The following LPP variants were observed in gnomAD, a reference collection of about 807,000 sequenced individuals.
The protein encoded by LPP is LIM domain containing preferred translocation partner in lipoma.
LPP carries 38 observed loss-of-function variants against 60.4 expected under a neutral mutation model. The observed-to-expected ratio is 0.63, with a 90% confidence interval of 0.49 to 0.83. The LOEUF is 0.83. LPP is among the 40% of genes least tolerant of loss of function. The pLI is 0.00. For synonymous variants in LPP, 328 were observed against 290.8 expected (o/e 1.13, Z -1.30); for missense variants, 902 against 783.6 (o/e 1.15, Z -1.80).
At chr3:188,271,750 C>G (rs1737813088) in intron 2 of LPP, among the ~76,000 whole-genome samples, 2 of 152,124 alleles carry the variant, frequency 1.3e-5, no homozygotes, top group South Asian at 4.1e-4. Context: ...CCTTTCTCTT[C>G]TGAAAGGATG....
intron 7 of LPP, among the ~76,000 whole-genome samples, chr3:188,642,096 A>ATT (rs113502570): frequency 2.0e-5 from 3 of 151,048 alleles, no homozygotes; most frequent in Non-Finnish European, 3.0e-5. Flanking sequence ...CTGAAGTGGA[A>ATT]TTTTTTTTTT....
chr3:188,633,399 C>T (rs909416892), intron 7 of LPP, among the ~76,000 whole-genome samples: 2 of 152,192 alleles, frequency 1.3e-5, no homozygotes, highest in African/African-American at 4.8e-5. Context: ...CAGTTACTTA[C>T]ATAACTGGTA....
intron 3 of LPP, among the ~76,000 whole-genome samples, chr3:188,395,997 G>A (rs1780854877): frequency 6.6e-6 from 1 of 151,996 alleles, no homozygotes; most frequent in African/African-American, 2.4e-5. Context: ...AAAGCTCTAA[G>A]CTAATTTATA....
At chr3:188,666,417 G>T (rs1855811046) in intron 7 of LPP, among the ~76,000 whole-genome samples, 1 of 152,160 alleles carries the variant, frequency 6.6e-6, no homozygotes, top group South Asian at 2.1e-4. Context: ...GTAGACCCAT[G>T]CCTCTAGATT....
At chr3:188,649,879 G>T (rs997358921) in intron 7 of LPP, among the ~76,000 whole-genome samples, 4 of 152,096 alleles carry the variant, frequency 2.6e-5, no homozygotes, top group African/African-American at 7.2e-5. Context: ...CACATAGAAG[G>T]CTTAGGTAAA....
chr3:188,423,979 T>A (rs140893950), intron 4 of LPP, among the ~76,000 whole-genome samples: 2 of 152,314 alleles, frequency 1.3e-5, no homozygotes, highest in East Asian at 3.9e-4. Context: ...ATTTGTCAAT[T>A]TTAGCTTTTG....
intron 7 of LPP, among the ~76,000 whole-genome samples, chr3:188,626,417 T>G (rs919980328): frequency 2.0e-5 from 3 of 152,092 alleles, no homozygotes; most frequent in African/African-American, 7.2e-5. Flanking sequence ...ATCCATAGAG[T>G]TTGGCATCTG....
intron 1 of LPP, among the ~76,000 whole-genome samples, chr3:188,175,052 A>G (rs1055038821): frequency 3.3e-5 from 5 of 152,164 alleles, no homozygotes; most frequent in African/African-American, 9.7e-5. Context: ...TGCTGACACT[A>G]GACTCAAATT....
chr3:188,678,985 A>G (rs574805528), intron 7 of LPP, among the ~76,000 whole-genome samples: 6 of 152,230 alleles, frequency 3.9e-5, no homozygotes, highest in African/African-American at 1.4e-4. Context: ...ATGAGAACAC[A>G]TGGGAAGATG....
intron 2 of LPP, among the ~76,000 whole-genome samples, chr3:188,235,573 A>G (rs1721604766): frequency 6.6e-6 from 1 of 152,230 alleles, no homozygotes; most frequent in Admixed American, 6.5e-5. Context: ...TCTTTGGAGT[A>G]AAGTGATTGT....
intron 9 of LPP, among the ~76,000 whole-genome samples, chr3:188,800,432 A>C (rs1746789018): frequency 6.6e-6 from 1 of 151,604 alleles, no homozygotes; most frequent in South Asian, 2.1e-4. Flanking sequence ...TTTTTAGTAG[A>C]GGTGGGGTTT....
rs962748312 is a variant in LPP, at chr3:188,485,889, G to A, written c.306+1185G>A. ...CTGAGTGAGAACATGGGTGAAATAG[G>A]GTTGGTTATGATTTGATAACTGTTG... On this transcript the variant is annotated intron_variant, in intron 5 of 11. Coordinates refer to ENST00000617246, the MANE Select transcript of LPP (RefSeq NM_001375462.1). 2.0e-5 allele frequency among the ~76,000 whole-genome samples: 3 copies of A among 151,536 alleles called. No individual in the cohort carries two copies. The East Asian group carries it at 5.8e-4, about 29-fold the overall frequency.
chr3:188,204,387 T>G (rs1210962312), intron 1 of LPP, among the ~76,000 whole-genome samples: 2 of 152,084 alleles, frequency 1.3e-5, no homozygotes, highest in Non-Finnish European at 2.9e-5. Flanking sequence ...AAATGCATCT[T>G]TAGGATGTGC....
intron 1 of LPP, among the ~76,000 whole-genome samples, chr3:188,167,215 T>G (rs191611855): frequency 3.3e-5 from 5 of 152,272 alleles, no homozygotes; most frequent in Non-Finnish European, 7.4e-5. Flanking sequence ...CCTGCCATGT[T>G]GGCCGGGCAC....
intron 9 of LPP, among the ~76,000 whole-genome samples, chr3:188,838,877 GAGA>G (rs1360226254): frequency 6.6e-6 from 1 of 152,134 alleles, no homozygotes; most frequent in African/African-American, 2.4e-5. Context: ...CGGGTGCAAG[GAGA>G]AGGAGAGGAT....
At chr3:188,467,436 C>A (rs1198297127) in intron 4 of LPP, among the ~76,000 whole-genome samples, 1 of 152,024 alleles carries the variant, frequency 6.6e-6, no homozygotes, top group Non-Finnish European at 1.5e-5. Context: ...CTGAGTCTAG[C>A]ACTATGTGCA....
At position 188,880,767 on chromosome 3, in the gene LPP, A is replaced by G. The variant is rs991290729; in HGVS notation, c.*6288A>G. 9 of 182,692 alleles carry G rather than the reference A, an allele frequency of 4.9e-5. No individual in the cohort carries two copies. Among genetic ancestry groups the G allele is most frequent in the Non-Finnish European group, 8.2e-5 (7 of 85,766 alleles). 11.3% of individuals were successfully genotyped at this position (182,692 alleles called of 1,614,324 possible). A position where few individuals can be genotyped will look rare whatever the true frequency, so the allele number is the denominator to read the frequency against. On this transcript the variant is annotated 3_prime_UTR_variant, in exon 12 of 12. Coordinates refer to ENST00000617246, the MANE Select transcript of LPP (RefSeq NM_001375462.1). ...CTAAAATCAGTTCTCTACCCTACGAATGGAATGTTCTACCAAGAAAGAGAA... is the reference window on the plus strand; with the variant it reads ...CTAAAATCAGTTCTCTACCCTACGAGTGGAATGTTCTACCAAGAAAGAGAA...
chr3:188,507,220 A>G (rs1339554008), intron 5 of LPP, among the ~76,000 whole-genome samples: 1 of 152,176 alleles, frequency 6.6e-6, no homozygotes. Flanking sequence ...TGAAGTCTGT[A>G]TACTTATCAC....
At chr3:188,221,954 G>A in intron 1 of LPP, among the ~76,000 whole-genome samples, 1 of 152,174 alleles carries the variant, frequency 6.6e-6, no homozygotes, top group Non-Finnish European at 1.5e-5. Context: ...TTGAACGCCT[G>A]TGTTCAAATC....
Sources: allele counts gnomAD v4.1 joint callset (sites outside exome capture counted in the v4.1 genomes callset), GRCh38; gene constraint gnomAD v4.1.1; transcripts MANE v1.5; gene names NCBI Gene and HGNC (gene_info 2026-07-23, HGNC 2026-07-21).